The following NOX5 variants were observed in gnomAD, a reference collection of about 807,000 sequenced individuals.
NOX5 encodes NADPH oxidase, EF-hand calcium binding domain 5.
NOX5 carries 76 observed loss-of-function variants against 85.7 expected under a neutral mutation model. The observed-to-expected ratio is 0.89, with a 90% CI of 0.74 to 1.07. The LOEUF is 1.07. Ranked by LOEUF, NOX5 falls within the 50% of genes least tolerant of loss-of-function variation. NOX5 has a pLI of 0.00. For missense variants in NOX5, 973 were observed against 999.5 expected (o/e 0.97, Z 0.36); for synonymous variants, 405 against 401.4 (o/e 1.01, Z -0.11).
Position 69,035,826 on chromosome 15 carries a change from A to G in NOX5, c.1078A>G (p.Ile360Val). 6.2e-7 allele frequency: 1 copy of G among 1,614,118 alleles called. No homozygotes were observed. The highest frequency in any genetic ancestry group is 8.5e-7 in the Non-Finnish European group (1 of 1,180,014). Residue 360 changes from isoleucine to valine, a missense_variant, in exon 7 of 16, where the codon ATT becomes GTT. Coordinates refer to ENST00000388866, the MANE Select transcript of NOX5 (RefSeq NM_024505.4). ...GCTGCTGCTCACCACGAGGCCTGGC[A>G]TTGGCTGGGTACACGGTTCGGCCTC... ...WELLLTTRPG[I>V]GWVHGSASPT...
At chr15:69,053,361 G>A (rs1278612024) in intron 14 of NOX5, among the ~76,000 whole-genome samples, 2 of 152,176 alleles carry the variant, frequency 1.3e-5, no homozygotes, top group Non-Finnish European at 2.9e-5. Context: ...AACAGTGACT[G>A]GAGCTTAATA....
In NOX5 at chr15:69,039,115, G is replaced by T; in HGVS notation, c.1504+126G>T. ...AGAAACACAAAGTCAGCCTCAAAAA[G>T]CTCTCTTTGAAGTGGGAGCAGGCAT... is the stretch of plus-strand genomic sequence containing the variant. On this transcript the variant is annotated intron_variant, in intron 9 of 15. Transcript: ENST00000388866. 3 of 1,126,504 alleles carry T rather than the reference G, an allele frequency of 2.7e-6. No individual in the cohort carries two copies. In the South Asian group the frequency reaches 4.2e-5, roughly 16 times the overall value. The allele number at this position is 1,126,504 out of a possible 1,614,324, so 69.8% of individuals were successfully genotyped here. A position where few individuals can be genotyped will look rare whatever the true frequency, so the allele number is the denominator to read the frequency against.
At chr15:69,016,965 A>G (rs1385084727) in intron 1 of NOX5, among the ~76,000 whole-genome samples, 1 of 152,122 alleles carries the variant, frequency 6.6e-6, no homozygotes, top group Non-Finnish European at 1.5e-5. Context: ...GAGGGACCAG[A>G]CATGCCTCAT....
intron 10 of NOX5, 77 bp from the exon 11 acceptor site, chr15:69,046,745 C>T: frequency 1.4e-6 from 2 of 1,424,038 alleles, no homozygotes; most frequent in Non-Finnish European, 1.9e-6. Context: ...CTCAGACTGG[C>T]AAGGGCAAGA....
In NOX5 at chr15:69,038,745, G is replaced by C. The variant is rs113899994; in HGVS notation, c.1372-112G>C. On this transcript the variant is annotated intron_variant, in intron 8 of 15. Coordinates refer to ENST00000388866, the MANE Select transcript of NOX5 (RefSeq NM_024505.4). ...GCACAGAAGAGTGTCATGTCTCGGG[G>C]CATGCCTGTTTTATGGAGGAGGAGG... 8 of 1,435,320 alleles carry C rather than the reference G, an allele frequency of 5.6e-6. No individual in the cohort carries two copies. The African/African-American group carries it at 9.9e-5, about 18-fold the overall frequency. 88.9% of individuals were successfully genotyped at this position (1,435,320 alleles called of 1,614,324 possible).
intron 9 of NOX5, among the ~76,000 whole-genome samples, chr15:69,040,773 G>A (rs182412684): frequency 3.3e-5 from 5 of 151,970 alleles, no homozygotes; most frequent in Admixed American, 1.3e-4. Context: ...TGCAGCCTCC[G>A]CCTCCCGGGT....
chr15:69,031,691 G>A lies in NOX5; in HGVS notation c.499G>A (p.Asp167Asn), dbSNP rs768963706. 5 of 1,613,228 alleles carry A rather than the reference G, an allele frequency of 3.1e-6. No individual in the cohort carries two copies. Among genetic ancestry groups the A allele is most frequent in the Non-Finnish European group, 3.4e-6 (4 of 1,179,838 alleles). ...CATCTCGCTGCCTGACGAGAAGCTG[G>A]ACCAGCTGACGCTGGCGCTCTTCGA... ...SAISLPDEKL[D>N]QLTLALFESA... The change falls in exon 4 of 16, where the codon GAC (aspartate) becomes AAC (asparagine). Residue 167 changes from aspartate (D) to asparagine (N), a missense_variant. Physicochemically the swap from Asp to Asn is conservative, Grantham distance 23. Coordinates refer to ENST00000388866, the MANE Select transcript of NOX5 (RefSeq NM_024505.4).
In NOX5 at chr15:69,057,518, T is replaced by C. The variant is rs1567110960; in HGVS notation, c.*822T>C. ...TCCCTCAGAGCCTCTCTGGGCTCTG[T>C]ATGCTGGCCTCTTCCTTCTCTCTGT... On this transcript the variant is annotated 3_prime_UTR_variant, in exon 16 of 16. Coordinates refer to ENST00000388866, the MANE Select transcript of NOX5 (RefSeq NM_024505.4). 2.0e-5 allele frequency: 3 copies of C among 152,226 alleles called. No homozygotes were observed. The highest frequency in any genetic ancestry group is 1.3e-4 in the Admixed American group (2 of 15,286). The allele number at this position is 152,226 out of a possible 1,614,324, so 9.4% of individuals were successfully genotyped here. A position where few individuals can be genotyped will look rare whatever the true frequency, so the allele number is the denominator to read the frequency against.
chr15:69,017,317 A>C (rs2050243259), intron 1 of NOX5, among the ~76,000 whole-genome samples: 1 of 151,904 alleles, frequency 6.6e-6, no homozygotes, highest in Admixed American at 6.6e-5. Context: ...ACACCAGGCT[A>C]ATTTTTGTAT....
chr15:69,036,567 A>G (rs896963753), intron 7 of NOX5, among the ~76,000 whole-genome samples: 3 of 152,214 alleles, frequency 2.0e-5, no homozygotes, highest in Non-Finnish European at 4.4e-5. Context: ...AGTAGGAATC[A>G]GAATCCTCAT....
chr15:69,049,049 G>C lies in NOX5; in HGVS notation c.1990G>C (p.Ala664Pro). 2 of 1,610,652 alleles carry C rather than the reference G, an allele frequency of 1.2e-6. No individual in the cohort carries two copies. Among genetic ancestry groups the C allele is most frequent in the Non-Finnish European group, 1.7e-6 (2 of 1,178,518 alleles). Residue 664 changes from alanine (A) to proline (P), a missense_variant, in exon 14 of 16, where the codon GCT (alanine) becomes CCT (proline). Physicochemically the swap from Ala to Pro is conservative, Grantham distance 27. Coordinates refer to ENST00000388866, the MANE Select transcript of NOX5 (RefSeq NM_024505.4). ...TKLEMDQAEE[A>P]QYGRFLELHM... Reference sequence around the variant, plus strand: ...ACTGGAGATGGACCAGGCCGAGGAGGCTCAATACGGTAAGAGAGGGACAGG... The same window carrying C: ...ACTGGAGATGGACCAGGCCGAGGAGCCTCAATACGGTAAGAGAGGGACAGG...
At chr15:69,055,143 A>G (rs2050794787) in intron 14 of NOX5, among the ~76,000 whole-genome samples, 191 bp from the exon 15 acceptor site, 1 of 152,236 alleles carries the variant, frequency 6.6e-6, no homozygotes, top group Non-Finnish European at 1.5e-5. Context: ...AATGTGTGCC[A>G]TGTACATAGT....
chr15:69,032,932 G>A (rs1230813460), intron 4 of NOX5, 111 bp from the exon 5 acceptor site: 3 of 1,421,726 alleles, frequency 2.1e-6, no homozygotes, highest in African/African-American at 3.0e-5. Flanking sequence ...GAAGAAAGCC[G>A]GCCTGCTTGC....
intron 4 of NOX5, among the ~76,000 whole-genome samples, chr15:69,032,712 C>T (rs1435832828): frequency 6.6e-6 from 1 of 152,178 alleles, no homozygotes; most frequent in East Asian, 1.9e-4. Flanking sequence ...CACTGGGCAC[C>T]TACCTGCCTA....
intron 7 of NOX5, among the ~76,000 whole-genome samples, chr15:69,036,272 C>T (rs1042445150): frequency 6.6e-6 from 1 of 152,200 alleles, no homozygotes; most frequent in Admixed American, 6.5e-5. Flanking sequence ...GGTCGCTCAA[C>T]CTTTCCAAGC....
At chr15:69,022,018 G>C (rs925265154) in intron 1 of NOX5, among the ~76,000 whole-genome samples, 5 of 152,202 alleles carry the variant, frequency 3.3e-5, no homozygotes, top group Middle Eastern at 3.2e-3. Context: ...GCATTATTAA[G>C]TGGAAGCTGC....
chr15:69,042,928 AG>A, intron 10 of NOX5, 123 bp downstream of exon 10: 1 of 1,051,680 alleles, frequency 9.5e-7, no homozygotes, highest in Non-Finnish European at 1.4e-6. Flanking sequence ...TGGCAGCACA[AG>A]GGGGTTAGGC....
rs758338742 is a variant in NOX5, at chr15:69,031,632, G to A, written c.440G>A (p.Arg147His). 5.6e-6 allele frequency: 9 copies of A among 1,613,312 alleles called. No individual in the cohort carries two copies. The South Asian group carries it at 8.8e-5, about 16-fold the overall frequency. Residue 147 changes from arginine (R) to histidine (H), a missense_variant, in exon 4 of 16, where the codon CGC becomes CAC. Transcript: ENST00000388866. ...GGCTCCATTGACCCGGATGAGCTGC[G>A]CACTGTGCTGCAGTCGTGTCTGCGC... is the stretch of plus-strand genomic sequence containing the variant. The part of the protein sequence containing the change: ...GSGSIDPDEL[R>H]TVLQSCLRES...
chr15:69,053,749 C>T (rs2050777429), intron 14 of NOX5, among the ~76,000 whole-genome samples: 1 of 152,176 alleles, frequency 6.6e-6, no homozygotes, highest in Non-Finnish European at 1.5e-5. Flanking sequence ...CCTTTATCTT[C>T]TCCCTCCCAC....
Sources: allele counts gnomAD v4.1 joint callset (sites outside exome capture counted in the v4.1 genomes callset), GRCh38; gene constraint gnomAD v4.1.1; transcripts MANE v1.5; gene names NCBI Gene and HGNC (gene_info 2026-07-23, HGNC 2026-07-21).